COMMD1: variants seen among roughly 807,000 people sequenced by gnomAD.
COMMD1 encodes the protein copper metabolism domain containing 1, also known as COMM domain-containing protein 1.
In COMMD1, 10 loss-of-function variants were observed where a neutral mutation model predicts 17.2. That is an observed-to-expected ratio of 0.58 (90% CI 0.36 to 0.99). COMMD1 has a LOEUF of 0.99. Ranked by LOEUF, COMMD1 falls within the 50% of genes least tolerant of loss-of-function variation. COMMD1 has a pLI of 0.01. For synonymous variants in COMMD1, 97 were observed against 91.6 expected (o/e 1.06, Z -0.34); for missense variants, 270 against 231.8 (o/e 1.17, Z -1.07).
At chr2:61,889,870 A>G (rs144766984) in intron 1 of COMMD1, among the ~76,000 whole-genome samples, 5 of 152,200 alleles carry the variant, frequency 3.3e-5, no homozygotes, top group Admixed American at 3.3e-4. Context: ...TGCTAAGCAC[A>G]GTGCTAAACC....
At chr2:62,094,795 C>A (rs1418166282) in intron 2 of COMMD1, among the ~76,000 whole-genome samples, 1 of 152,148 alleles carries the variant, frequency 6.6e-6, no homozygotes. Flanking sequence ...ACTTAATGTT[C>A]AAATTTATTT....
upstream of COMMD1, chr2:61,888,412 C>T (rs1338177393): frequency 1.2e-6 from 2 of 1,613,252 alleles, no homozygotes; most frequent in Non-Finnish European, 1.7e-6. Context: ...TGAAGCGGAT[C>T]TGGGCTGGCT....
intron 1 of COMMD1, among the ~76,000 whole-genome samples, chr2:61,932,335 A>G (rs1026114337): frequency 4.6e-5 from 7 of 152,262 alleles, no homozygotes; most frequent in African/African-American, 1.7e-4. Flanking sequence ...AGAGATTCAG[A>G]TACCACTTAT....
intron 2 of COMMD1, among the ~76,000 whole-genome samples, chr2:62,087,499 A>T (rs920792362): frequency 6.6e-6 from 1 of 152,344 alleles, no homozygotes; most frequent in South Asian, 2.1e-4. Context: ...TAATCCCAGC[A>T]CTTTGGGAGG....
intron 2 of COMMD1, among the ~76,000 whole-genome samples, chr2:62,097,827 T>G (rs1386556263): frequency 6.6e-6 from 1 of 152,162 alleles, no homozygotes; most frequent in Admixed American, 6.5e-5. Flanking sequence ...CTCTGGTATT[T>G]TCCCCATTTA....
intron 2 of COMMD1, among the ~76,000 whole-genome samples, chr2:62,020,912 A>G (rs1669595550): frequency 6.6e-6 from 1 of 151,722 alleles, no homozygotes; most frequent in Non-Finnish European, 1.5e-5. Context: ...CTGAGGCGGG[A>G]GAATTGCTTG....
chr2:62,032,103 A>G (rs754149128), intron 2 of COMMD1, among the ~76,000 whole-genome samples: 2 of 152,204 alleles, frequency 1.3e-5, no homozygotes, highest in East Asian at 1.9e-4. Context: ...TGTGTGTTAT[A>G]TATCTTGTAC....
chr2:62,074,466 C>A (rs1671283676), intron 2 of COMMD1, among the ~76,000 whole-genome samples: 1 of 152,194 alleles, frequency 6.6e-6, no homozygotes. Flanking sequence ...CCATGAATAA[C>A]AAACACACTC....
At chr2:62,063,721 T>C (rs559175446) in intron 2 of COMMD1, among the ~76,000 whole-genome samples, 36 of 151,916 alleles carry the variant, frequency 2.4e-4, no homozygotes, top group African/African-American at 8.4e-4. Context: ...TGTGGGCCTT[T>C]TTAGCATTTT....
chr2:62,016,334 G>A (rs1052812775), intron 2 of COMMD1, among the ~76,000 whole-genome samples: 1 of 149,736 alleles, frequency 6.7e-6, no homozygotes, highest in African/African-American at 2.5e-5. Context: ...TCAGCCACCT[G>A]AGTAGCTGGG....
intron 2 of COMMD1, among the ~76,000 whole-genome samples, chr2:62,007,198 G>C (rs1207043127): frequency 6.6e-6 from 1 of 151,732 alleles, no homozygotes; most frequent in Non-Finnish European, 1.5e-5. Flanking sequence ...GTCTAGTTTT[G>C]GGTTGAGTTT....
At chr2:62,006,422 C>T (rs771406189) in intron 2 of COMMD1, among the ~76,000 whole-genome samples, 2 of 151,436 alleles carry the variant, frequency 1.3e-5, no homozygotes, top group Non-Finnish European at 1.5e-5. Context: ...GTATATATTG[C>T]GATATCCTTT....
At chr2:61,944,151 T>C (rs1291706584) in intron 1 of COMMD1, among the ~76,000 whole-genome samples, 1 of 152,070 alleles carries the variant, frequency 6.6e-6, no homozygotes, top group African/African-American at 2.4e-5. Context: ...ATGAGAAGAC[T>C]CTTTAGAATG....
At chr2:61,893,923 G>A (rs1233333529) in intron 1 of COMMD1, among the ~76,000 whole-genome samples, 1 of 152,098 alleles carries the variant, frequency 6.6e-6, no homozygotes, top group Non-Finnish European at 1.5e-5. Context: ...GGCAAGCTGG[G>A]CACAGTGGTG....
At chr2:62,092,959 C>T (rs1376774233) in intron 2 of COMMD1, among the ~76,000 whole-genome samples, 2 of 152,136 alleles carry the variant, frequency 1.3e-5, no homozygotes, top group Non-Finnish European at 2.9e-5. Flanking sequence ...GTCCGTTCCA[C>T]CAACCCAGAG....
chr2:62,036,088 A>G (rs1280814675), intron 2 of COMMD1, among the ~76,000 whole-genome samples: 3 of 151,614 alleles, frequency 2.0e-5, no homozygotes. Context: ...ACACACACAC[A>G]CAAAGTTAGG....
chr2:62,071,402 C>T (rs1013191819), intron 2 of COMMD1, among the ~76,000 whole-genome samples: 24 of 152,242 alleles, frequency 1.6e-4, no homozygotes, highest in Admixed American at 1.4e-3. Flanking sequence ...GTTTTGTCAG[C>T]AAGGTCTTTA....
chr2:61,974,289 G>C (rs899601679), intron 1 of COMMD1, among the ~76,000 whole-genome samples: 2 of 151,262 alleles, frequency 1.3e-5, no homozygotes, highest in Non-Finnish European at 3.0e-5. Flanking sequence ...TAAGAAAAAA[G>C]AAGTTTATAT....
At chr2:62,028,866 A>T (rs1328246991) in intron 2 of COMMD1, among the ~76,000 whole-genome samples, 1 of 152,188 alleles carries the variant, frequency 6.6e-6, no homozygotes, top group Non-Finnish European at 1.5e-5. Flanking sequence ...GAGAGTACTG[A>T]TGTCCTAAAA....
Sources: allele counts gnomAD v4.1 joint callset (sites outside exome capture counted in the v4.1 genomes callset), GRCh38; gene constraint gnomAD v4.1.1; transcripts MANE v1.5; gene names NCBI Gene and HGNC (gene_info 2026-07-23, HGNC 2026-07-21).